TONSL: variants seen among roughly 807,000 people sequenced by gnomAD.
TONSL encodes tonsoku-like protein.
A neutral mutation model predicts 147.1 loss-of-function variants in TONSL; 112 were observed. The ratio of observed to expected loss-of-function variants is 0.76; its 90% CI spans 0.65 to 0.89. The LOEUF (loss-of-function observed/expected upper bound fraction) is 0.89, where lower values mean the gene tolerates loss of function less well. Ranked by LOEUF, TONSL falls within the 40% of genes least tolerant of loss-of-function variation. TONSL has a pLI of 0.00. For missense variants in TONSL, 1,883 were observed against 1,864.6 expected, an observed-to-expected ratio of 1.01 and a Z score of -0.18; for synonymous variants, 868 against 801.5, an observed-to-expected ratio of 1.08 and a Z score of -1.40.
chr8:144,438,236 T>C, intron 13 of TONSL: 1 of 582,352 alleles, frequency 1.7e-6, no homozygotes, highest in South Asian at 2.1e-5. Flanking sequence ...AGGGTCTCAC[T>C]GTGTTGCCCA....
chr8:144,432,201 G>T, intron 23 of TONSL, 84 bp downstream of exon 23: 1 of 1,436,660 alleles, frequency 7.0e-7, no homozygotes, highest in Non-Finnish European at 9.6e-7. Flanking sequence ...GCCCGAATCT[G>T]GGGAGAGGCG....
Position 144,436,203 on chromosome 8 carries a change from A to AGCT in TONSL, c.2227_2229dup (p.Ser744dup), listed in dbSNP as rs747457080. The stretch of plus-strand genomic sequence containing the variant: ...GGGCCTGCGCTGTCCTCGCCTTCTG[A>AGCT]GCTGCTGCTGCTGCTGGCTGGCCCA... On this transcript the variant is annotated inframe_insertion, in exon 17 of 26. Transcript: ENST00000409379. 60 of 1,568,146 alleles carry AGCT rather than the reference A, an allele frequency of 3.8e-5. No individual in the cohort carries two copies. Among genetic ancestry groups the AGCT allele is most frequent in the Non-Finnish European group, 4.6e-5 (53 of 1,160,032 alleles).
intron 7 of TONSL, 159 bp from the exon 8 acceptor site, chr8:144,441,270 G>T: frequency 1.9e-6 from 2 of 1,046,682 alleles, no homozygotes; most frequent in African/African-American, 1.6e-5. Context: ...CTTGGGGACT[G>T]GTCTCAAGGG....
At position 144,433,644 on chromosome 8, in the gene TONSL, CCA is replaced by C. The variant is rs1554879233; in HGVS notation, c.3501_3502del (p.Cys1167TrpfsTer16). The stretch of plus-strand genomic sequence containing the variant: ...GCTCAGAAAGAAGCTGGGGCCGAAG[CCA>C]CACGCCTGCAGGCGCAGGGTGCTGA... On this transcript the variant is annotated frameshift_variant, in exon 22 of 26. Coordinates refer to ENST00000409379, the MANE Select transcript of TONSL (RefSeq NM_013432.5). LOFTEE classifies it high-confidence loss of function. 1 of 1,613,350 alleles carries C rather than the reference CCA, an allele frequency of 6.2e-7. No individual in the cohort carries two copies.
At position 144,429,159 on chromosome 8, in the gene TONSL, A is replaced by G; in HGVS notation, c.4121T>C (p.Phe1374Ser). ...ECTLDHGSKL[F>S]FRRL ...GCGCCAGGGTCAGAGGCGCCGAAAG[A>G]AGAGCTTGGAGCCGTGGTCCAGCGT... The change falls in exon 26 of 26, where the codon TTC becomes TCC. Residue 1374 changes from phenylalanine (F) to serine (S), a missense_variant. Transcript: ENST00000409379. 1 of 1,530,840 alleles carries G rather than the reference A, an allele frequency of 6.5e-7. No homozygotes were observed. Among genetic ancestry groups the G allele is most frequent in the Non-Finnish European group, 8.7e-7 (1 of 1,143,888 alleles). 94.8% of individuals were successfully genotyped at this position (1,530,840 alleles called of 1,614,324 possible). A position where few individuals can be genotyped will look rare whatever the true frequency, so the allele number is the denominator to read the frequency against.
In TONSL at chr8:144,440,483, CAGG is replaced by C. The variant is rs766147869; in HGVS notation, c.1165-10_1165-8del. ...TCAGCCAGGTCTTGGCCTCCTGGAG[CAGG>C]AGGAAGGACAGGGTCGGGGGCTGCC... On this transcript the variant is annotated splice_region_variant and splice_polypyrimidine_tract_variant and intron_variant, in intron 9 of 25. Coordinates refer to ENST00000409379, the MANE Select transcript of TONSL (RefSeq NM_013432.5). The C allele has an allele frequency of 1.0e-5, 16 of 1,589,244 alleles. No homozygotes were observed. Among genetic ancestry groups the C allele is most frequent in the African/African-American group, 1.3e-5 (1 of 74,370 alleles).
At chr8:144,431,393 C>G (rs13259250) in intron 23 of TONSL, among the ~76,000 whole-genome samples, 78,253 of 151,846 alleles carry the variant, frequency 0.52, 20,293 homozygotes, top group Middle Eastern at 0.63. Context: ...CCCTAGTGTG[C>G]CCCTTGGGAC....
intron 4 of TONSL, 91 bp downstream of exon 4, chr8:144,443,047 C>A: frequency 7.0e-7 from 1 of 1,427,498 alleles, no homozygotes; most frequent in Admixed American, 2.3e-5. Flanking sequence ...CTCCAGAAGA[C>A]GGGATTGCCC....
At chr8:144,438,890 A>T in intron 11 of TONSL, 155 bp from the exon 12 acceptor site, 2 of 741,860 alleles carry the variant, frequency 2.7e-6, no homozygotes, top group Non-Finnish European at 4.6e-6. Context: ...GCTCCTCAGC[A>T]ATGGTCCCAG....
In TONSL at chr8:144,441,347, C is replaced by T. The variant is rs1257823563; in HGVS notation, c.866-236G>A. The T allele has an allele frequency of 7.4e-6, 4 of 540,786 alleles. No homozygotes were observed. In the Admixed American group the frequency reaches 1.3e-4, roughly 18 times the overall value. 33.5% of individuals were successfully genotyped at this position (540,786 alleles called of 1,614,324 possible). On this transcript the variant is annotated intron_variant, in intron 7 of 25. Transcript: ENST00000409379. ...GTGGCTCACGCCTGTAATCCTAGGA[C>T]TTTGGGAGGCCGAGGCGGGCAGATC...
At chr8:144,441,146 A>G (rs1200747837) in intron 7 of TONSL, 35 bp from the exon 8 acceptor site, 1 of 1,606,998 alleles carries the variant, frequency 6.2e-7, no homozygotes, top group Admixed American at 1.7e-5. Context: ...GGGGCAGCAC[A>G]GGGGGCCCTG....
intron 5 of TONSL, 96 bp from the exon 6 acceptor site, chr8:144,442,508 C>T (rs1823757954): frequency 2.7e-6 from 4 of 1,486,896 alleles, no homozygotes; most frequent in Non-Finnish European, 3.6e-6. Context: ...GGTCTCAGGG[C>T]CCTAACCATG....
In TONSL at chr8:144,434,852, A is replaced by G; in HGVS notation, c.3044T>C (p.Leu1015Ser). 1.2e-6 allele frequency: 2 copies of G among 1,613,446 alleles called. No homozygotes were observed. The highest frequency in any genetic ancestry group is 1.7e-6 in the Non-Finnish European group (2 of 1,179,950). ...GCAGGCCCTGCGGTAGCGGTCAGTC[A>G]ACGGGGGCAGGTCCCACGAAGTCAC... The part of the protein sequence containing the change: ...AEVTSWDLPP[L>S]TDRYRRACQS... The change falls in exon 20 of 26, where the codon TTG (leucine) becomes TCG (serine). Residue 1015 changes from leucine (L) to serine (S), a missense_variant. Leu to Ser is a moderately radical substitution (Grantham distance 145, BLOSUM62 -2). Coordinates refer to ENST00000409379, the MANE Select transcript of TONSL (RefSeq NM_013432.5).
chr8:144,441,242 G>A (rs1325886309), intron 7 of TONSL, 131 bp from the exon 8 acceptor site: 2 of 1,291,036 alleles, frequency 1.5e-6, no homozygotes, highest in East Asian at 2.5e-5. Flanking sequence ...TGGTGTGGGG[G>A]TTAATAGCAG....
rs145066651 is a variant in TONSL at position 144,431,089 on chromosome 8, T to C, written c.3798A>G (p.Arg1266=). ...GGAAAGGGCGTTACCTGCACAGGTC[T>C]CTAACAGCCTTGTCCCCCAGGTGGT... ...SANHLGDKAV[R]DLCRCLSLCP... Residue 1266 remains arginine (R), a synonymous_variant, in exon 24 of 26, where the codon AGA becomes AGG. Transcript: ENST00000409379. 3 of 1,614,134 alleles carry C rather than the reference T, an allele frequency of 1.9e-6. No homozygotes were observed. The highest frequency in any genetic ancestry group is 1.1e-5 in the South Asian group (1 of 91,082).
At position 144,443,125 on chromosome 8, in the gene TONSL, G is replaced by A; in HGVS notation, c.448+13C>T. 1.3e-6 allele frequency: 2 copies of A among 1,545,806 alleles called. No homozygotes were observed. The highest frequency in any genetic ancestry group is 1.7e-6 in the Non-Finnish European group (2 of 1,143,102). On this transcript the variant is annotated intron_variant, in intron 4 of 25. Coordinates refer to ENST00000409379, the MANE Select transcript of TONSL (RefSeq NM_013432.5). ...AAGTTCAGGAGGCAGAAAACGCGGA[G>A]GGGTCTGCCCACCCTCCAGCTCCTC...
Position 144,429,347 on chromosome 8 carries a change from G to C in TONSL, c.3944-11C>G, listed in dbSNP as rs782047328. Reference sequence around the variant, plus strand: ...CCTGGACGGCGCAGCCTGCGGAGGGGAAGAGGGCAGACCTCAGCGCTGCGG... The same window carrying C: ...CCTGGACGGCGCAGCCTGCGGAGGGCAAGAGGGCAGACCTCAGCGCTGCGG... On this transcript the variant is annotated splice_polypyrimidine_tract_variant and intron_variant, in intron 25 of 25. Transcript: ENST00000409379. The C allele has an allele frequency of 2.1e-6, 3 of 1,424,904 alleles. No homozygotes were observed. Among genetic ancestry groups the C allele is most frequent in the Admixed American group, 2.8e-5 (1 of 35,310 alleles). The allele number at this position is 1,424,904 out of a possible 1,614,324, so 88.3% of individuals were successfully genotyped here. A position where few individuals can be genotyped will look rare whatever the true frequency, so the allele number is the denominator to read the frequency against.
chr8:144,437,577 C>A, intron 13 of TONSL: 1 of 158,384 alleles, frequency 6.3e-6, no homozygotes, highest in East Asian at 1.9e-4. Flanking sequence ...CAGGTATGAA[C>A]CACCGCGCCC....
chr8:144,442,254 A>G lies in TONSL; in HGVS notation c.737T>C (p.Val246Ala), dbSNP rs751610157. The G allele has an allele frequency of 6.3e-6, 10 of 1,589,542 alleles. No homozygotes were observed. In the South Asian group the frequency reaches 1.1e-4, roughly 18 times the overall value. The change falls in exon 6 of 26, where the codon GTG becomes GCG. Residue 246 changes from valine (V) to alanine (A), a missense_variant. Physicochemically the swap from Val to Ala is moderately conservative, Grantham distance 64. Coordinates refer to ENST00000409379, the MANE Select transcript of TONSL (RefSeq NM_013432.5). ...CACAGCGGGTACCTGTGCAATAACC[A>G]CGCAGCACTCGCTCTCCATGAACCG... is the stretch of plus-strand genomic sequence containing the variant. ...RKRFMESECCVVIAQVLQDLG... is the reference protein window; with the variant it reads ...RKRFMESECCAVIAQVLQDLG...
Sources: gnomAD v4.1 joint callset for allele counts (sites outside exome capture counted in the v4.1 genomes callset) on GRCh38, gnomAD v4.1.1 for gene constraint, MANE v1.5 for transcripts, NCBI Gene and HGNC (gene_info 2026-07-23, HGNC 2026-07-21) for gene names.